The following ARL1 variants were observed in gnomAD, a reference collection of about 807,000 sequenced individuals.
ARL1 encodes the protein ARF like GTPase 1.
A neutral mutation model predicts 30.1 loss-of-function variants in ARL1; 17 were observed. That is an observed-to-expected ratio of 0.56 (90% CI 0.39 to 0.85). The LOEUF (loss-of-function observed/expected upper bound fraction) is 0.85. Among genes scored for constraint, ARL1 ranks in the 40% least tolerant of loss-of-function variants. ARL1 has a pLI of 0.00. For synonymous variants in ARL1, 58 were observed against 71.7 expected (o/e 0.81, Z 0.97); for missense variants, 102 against 212.6 (o/e 0.48, Z 3.24).
chr12:101,398,064 A>G (rs1384437919), intron 4 of ARL1, among the ~76,000 whole-genome samples: 3 of 151,826 alleles, frequency 2.0e-5, no homozygotes, highest in African/African-American at 7.3e-5. Context: ...CATTTTTTAC[A>G]TTTAATTATT....
intron 4 of ARL1, among the ~76,000 whole-genome samples, chr12:101,399,509 T>TATAAAA (rs1871244717): frequency 3.6e-5 from 4 of 110,566 alleles, no homozygotes; most frequent in Admixed American, 8.9e-5. Context: ...AGACTCTGTC[T>TATAAAA]AAAAAAAAAA....
intron 4 of ARL1, among the ~76,000 whole-genome samples, chr12:101,397,974 T>G (rs1280871533): frequency 1.3e-5 from 2 of 152,214 alleles, no homozygotes; most frequent in Non-Finnish European, 2.9e-5. Flanking sequence ...ATTTGCCATA[T>G]CTGAGCTTTG....
At chr12:101,397,496 C>T (rs908546842) in intron 4 of ARL1, among the ~76,000 whole-genome samples, 2 of 145,032 alleles carry the variant, frequency 1.4e-5, no homozygotes, top group African/African-American at 5.0e-5. Flanking sequence ...GACCCTGTCT[C>T]TTTTTTTTTT....
At chr12:101,398,910 C>A (rs1457690918) in intron 4 of ARL1, among the ~76,000 whole-genome samples, 1 of 152,164 alleles carries the variant, frequency 6.6e-6, no homozygotes, top group Non-Finnish European at 1.5e-5. Flanking sequence ...TAACAACAAT[C>A]CTGCACAACT....
In ARL1 at chr12:101,402,587, T is replaced by C. The variant is rs75349347; in HGVS notation, c.224+278A>G. Among the ~76,000 whole-genome samples, 1,337 of 152,306 alleles carry C rather than the reference T, an allele frequency of 8.8e-3. 25 individuals carry two copies. The highest frequency in any genetic ancestry group is 0.031 in the African/African-American group (1,281 of 41,562). On this transcript the variant is annotated intron_variant, in intron 3 of 5. Coordinates refer to ENST00000261636, the MANE Select transcript of ARL1 (RefSeq NM_001177.6). ...TCAGAGAGGAGAGACTGACAAGAAC[T>C]AAATGGAGGGTCCTTTCTAATTGAG...
chr12:101,402,848 T>G lies in ARL1; in HGVS notation c.224+17A>C. The G allele has an allele frequency of 6.3e-7, 1 of 1,577,236 alleles. No individual in the cohort carries two copies. The highest frequency in any genetic ancestry group is 8.7e-7 in the Non-Finnish European group (1 of 1,148,840). On this transcript the variant is annotated intron_variant, in intron 3 of 5. Coordinates refer to ENST00000261636, the MANE Select transcript of ARL1 (RefSeq NM_001177.6). ...AAATGTCAAATACTACCAAATAACC[T>G]GGTCTTTGTACCATACCTGATACTT...
At position 101,396,458 on chromosome 12, in the gene ARL1, T is replaced by C; in HGVS notation, c.456A>G (p.Lys152=). The change falls in exon 5 of 6, where the codon AAA becomes AAG. Residue 152 remains lysine (K), a synonymous_variant. Transcript: ENST00000261636. ...TTGCTGACGTTTTGAATATCTGCCA[T>C]TTTCGGTCCTTCAAGGCAGGTAACC... ...SLGLPALKDR[K]WQIFKTSATK... 6.2e-7 allele frequency: 1 copy of C among 1,614,006 alleles called. No individual in the cohort carries two copies. Among genetic ancestry groups the C allele is most frequent in the Non-Finnish European group, 8.5e-7 (1 of 1,179,888 alleles).
chr12:101,399,563 T>G (rs1593465377), intron 4 of ARL1, among the ~76,000 whole-genome samples: 1 of 141,858 alleles, frequency 7.0e-6, no homozygotes, highest in East Asian at 2.1e-4. Context: ...CATAGTCCCC[T>G]CGTCTGAGGA....
intron 2 of ARL1, among the ~76,000 whole-genome samples, chr12:101,403,890 G>A (rs964627840): frequency 1.3e-5 from 2 of 152,074 alleles, no homozygotes; most frequent in African/African-American, 4.8e-5. Context: ...AACCTGGGAG[G>A]CACAGGTTGC....
In ARL1 at chr12:101,393,385, G is replaced by A. The variant is rs953910710; in HGVS notation, c.*2255C>T. 6 of 152,006 alleles carry A rather than the reference G, an allele frequency of 3.9e-5. No homozygotes were observed. The highest frequency in any genetic ancestry group is 2.1e-4 in the South Asian group (1 of 4,814). 9.4% of individuals were successfully genotyped at this position (152,006 alleles called of 1,614,324 possible). On this transcript the variant is annotated 3_prime_UTR_variant, in exon 6 of 6. Transcript: ENST00000261636. ...ATAAAATACAATGTTAGAAAGAAAC[G>A]TTTGGTATCATTCGTCCAGATCCCA...
rs1871071879 is a variant in ARL1, at chr12:101,393,698, C to T, written c.*1942G>A. 6.6e-6 allele frequency: 1 copy of T among 152,036 alleles called. No individual in the cohort carries two copies. Among genetic ancestry groups the T allele is most frequent in the African/African-American group, 2.4e-5 (1 of 41,376 alleles). The allele number at this position is 152,036 out of a possible 1,614,324, so 9.4% of individuals were successfully genotyped here. On this transcript the variant is annotated 3_prime_UTR_variant, in exon 6 of 6. Transcript: ENST00000261636. ...GCTGAACTTTGGGGCAACTTCATGC[C>T]CTAGGATTCAAGATGGCCAGCGGCT...
intron 1 of ARL1, 61 bp from the exon 2 acceptor site, chr12:101,406,042 C>T: frequency 7.5e-6 from 10 of 1,337,248 alleles, no homozygotes; most frequent in Non-Finnish European, 1.0e-5. Flanking sequence ...GTATACAAAA[C>T]ATCTAACCTT....
chr12:101,403,083 G>A, intron 2 of ARL1, 137 bp from the exon 3 acceptor site: 1 of 495,840 alleles, frequency 2.0e-6, no homozygotes. Flanking sequence ...TTTGTCTTAG[G>A]ATTCGAGTTA....
intron 1 of ARL1, chr12:101,407,391 A>G (rs1371477264): frequency 6.7e-6 from 3 of 446,410 alleles, no homozygotes; most frequent in Admixed American, 8.3e-5. Flanking sequence ...GGCTCTGCGG[A>G]CGTCCCCAAG....
At position 101,394,115 on chromosome 12, in the gene ARL1, T is replaced by G. The variant is rs1026176856; in HGVS notation, c.*1525A>C. On this transcript the variant is annotated 3_prime_UTR_variant, in exon 6 of 6. Coordinates refer to ENST00000261636, the MANE Select transcript of ARL1 (RefSeq NM_001177.6). Reference sequence around the variant, plus strand: ...TAAAGTAGGAATGGGTGCTGGAGAATGAGCAAGAAGGGTGAGAGTCCCACG... The same window carrying G: ...TAAAGTAGGAATGGGTGCTGGAGAAGGAGCAAGAAGGGTGAGAGTCCCACG... 2 of 151,980 alleles carry G rather than the reference T, an allele frequency of 1.3e-5. No homozygotes were observed. Among genetic ancestry groups the G allele is most frequent in the African/African-American group, 2.4e-5 (1 of 41,374 alleles). The allele number at this position is 151,980 out of a possible 1,614,324, so 9.4% of individuals were successfully genotyped here.
At chr12:101,395,724 G>T in intron 5 of ARL1, 54 bp from the exon 6 acceptor site, 1 of 1,288,820 alleles carries the variant, frequency 7.8e-7, no homozygotes, top group Admixed American at 2.0e-5. Context: ...TATAAAGCAT[G>T]ATCATCTATA....
chr12:101,405,781 A>T (rs1871424236), intron 2 of ARL1, 63 bp downstream of exon 2: 2 of 1,461,998 alleles, frequency 1.4e-6, no homozygotes, highest in South Asian at 2.9e-5. Context: ...AGAAAGAAAG[A>T]AATAGTTATG....
chr12:101,402,558 T>C (rs1443828848), intron 3 of ARL1, among the ~76,000 whole-genome samples: 1 of 152,180 alleles, frequency 6.6e-6, no homozygotes, highest in Non-Finnish European at 1.5e-5. Flanking sequence ...CAAAACAATG[T>C]GTTTCAGAGA....
At chr12:101,404,715 A>G (rs1239511695) in intron 2 of ARL1, among the ~76,000 whole-genome samples, 1 of 152,238 alleles carries the variant, frequency 6.6e-6, no homozygotes, top group Non-Finnish European at 1.5e-5. Context: ...ATTTAAATGT[A>G]CTACTCTTCT....
Sources: allele counts gnomAD v4.1 joint callset (sites outside exome capture counted in the v4.1 genomes callset), GRCh38; gene constraint gnomAD v4.1.1; transcripts MANE v1.5; gene names NCBI Gene and HGNC (gene_info 2026-07-23, HGNC 2026-07-21).